TAS2R1: variants seen among roughly 807,000 people sequenced by gnomAD.
TAS2R1 encodes the protein taste 2 receptor member 1.
For missense variants in TAS2R1, 370 were observed against 353.4 expected (o/e 1.05, Z -0.38); for synonymous variants, 141 against 134.2 (o/e 1.05, Z -0.35).
chr5:9,658,297 G>T (rs1740456918), intron 2 of TAS2R1: 1 of 152,194 alleles, frequency 6.6e-6, no homozygotes, highest in Non-Finnish European at 1.5e-5. Context: ...TCTCAGAGAG[G>T]TTAAGTAATT....
At chr5:9,768,870 G>T in the TAS2R1 span, among the ~76,000 whole-genome samples, 1 of 152,106 alleles carries the variant, frequency 6.6e-6, no homozygotes, top group Non-Finnish European at 1.5e-5. Flanking sequence ...AGCACATCAA[G>T]GTAAATAGGG....
chr5:9,769,903 A>G, the TAS2R1 span, among the ~76,000 whole-genome samples: 1 of 152,102 alleles, frequency 6.6e-6, no homozygotes, highest in South Asian at 2.1e-4. Flanking sequence ...GTCTGTGCAG[A>G]AGCTTTTTAA....
At chr5:9,710,495 C>T (rs903541391) in intron 1 of TAS2R1, among the ~76,000 whole-genome samples, 2 of 152,022 alleles carry the variant, frequency 1.3e-5, no homozygotes, top group African/African-American at 4.8e-5. Flanking sequence ...CAAAAATGGG[C>T]AAACAAAAGA....
the TAS2R1 span, among the ~76,000 whole-genome samples, chr5:9,740,645 G>A: frequency 2.6e-5 from 4 of 152,282 alleles, no homozygotes; most frequent in Admixed American, 2.0e-4. Context: ...ACACACAAGC[G>A]TTTTTGAGTG....
intron 1 of TAS2R1, among the ~76,000 whole-genome samples, chr5:9,705,716 C>T (rs1269694576): frequency 1.3e-5 from 2 of 152,054 alleles, no homozygotes; most frequent in Non-Finnish European, 2.9e-5. Context: ...AAAAATTAGC[C>T]GGGCATCGTG....
chr5:9,629,990 T>C lies in TAS2R1; in HGVS notation c.43A>G (p.Ile15Val), dbSNP rs1476217767. 1 of 1,596,152 alleles carries C rather than the reference T, an allele frequency of 6.3e-7. No homozygotes were observed. Among genetic ancestry groups the C allele is most frequent in the South Asian group, 1.1e-5 (1 of 87,612 alleles). Residue 15 changes from isoleucine to valine, a missense_variant, in exon 1 of 1, where the codon ATA (isoleucine) becomes GTA (valine). Ile to Val is a conservative substitution (Grantham distance 29). Coordinates refer to ENST00000382492, the MANE Select transcript of TAS2R1 (RefSeq NM_019599.3). ...HLIIYFLLAV[I>V]QFLLGIFTNG... ...GTGAAAATCCCAAGAAGAAATTGTA[T>C]CACTGCAAGAAGAAAATAGATAATG...
At chr5:9,878,560 T>A in the TAS2R1 span, among the ~76,000 whole-genome samples, 3 of 152,220 alleles carry the variant, frequency 2.0e-5, no homozygotes. Context: ...CTTCTAAAAG[T>A]TCTCTGTCTT....
the TAS2R1 span, among the ~76,000 whole-genome samples, chr5:9,823,019 CAA>C: frequency 1.1e-3 from 123 of 114,366 alleles, no homozygotes; most frequent in Middle Eastern, 5.2e-3. Context: ...TCCTCTCCAC[CAA>C]AAAAAAAAAA....
chr5:9,762,240 A>G, the TAS2R1 span, among the ~76,000 whole-genome samples: 6 of 152,224 alleles, frequency 3.9e-5, no homozygotes, highest in Non-Finnish European at 4.4e-5. Context: ...TTCCACCTCC[A>G]CATACAACCG....
the TAS2R1 span, among the ~76,000 whole-genome samples, chr5:9,837,944 C>T: frequency 6.6e-6 from 1 of 152,182 alleles, no homozygotes; most frequent in Admixed American, 6.5e-5. Context: ...GTAAGACAGT[C>T]TGTGTCTCTT....
chr5:9,758,274 G>A, the TAS2R1 span, among the ~76,000 whole-genome samples: 2 of 152,230 alleles, frequency 1.3e-5, no homozygotes, highest in Admixed American at 6.5e-5. Flanking sequence ...TGGAAATAGG[G>A]AAGAAATCAT....
chr5:9,654,226 T>C (rs1336615195), intron 2 of TAS2R1, among the ~76,000 whole-genome samples: 1 of 152,180 alleles, frequency 6.6e-6, no homozygotes, highest in Non-Finnish European at 1.5e-5. Flanking sequence ...TGAAAAACTC[T>C]TCCTGCATTC....
At position 9,639,199 on chromosome 5, in the gene TAS2R1, C is replaced by T. The variant is rs149187155; in HGVS notation, c.-80-9207G>A. 6.2e-3 allele frequency among the ~76,000 whole-genome samples: 949 copies of T among 152,274 alleles called. 9 individuals are homozygous for T. The highest frequency in any genetic ancestry group is 0.017 in the Admixed American group (267 of 15,308). ...AACTTCCTTCACCCTGTGACCCCTCCGCAGTTGTATTGGCTGGCTTCCCCA... is the reference window on the plus strand; with the variant it reads ...AACTTCCTTCACCCTGTGACCCCTCTGCAGTTGTATTGGCTGGCTTCCCCA... On this transcript the variant is annotated intron_variant, in intron 2 of 2. Transcript: ENST00000506620.
At chr5:9,786,459 GGTGA>G in the TAS2R1 span, among the ~76,000 whole-genome samples, 5 of 152,174 alleles carry the variant, frequency 3.3e-5, no homozygotes, top group African/African-American at 1.2e-4. Context: ...GAATTTCAAA[GGTGA>G]GTAAGTGGTG....
At chr5:9,829,423 G>C in the TAS2R1 span, among the ~76,000 whole-genome samples, 1 of 152,138 alleles carries the variant, frequency 6.6e-6, no homozygotes, top group Non-Finnish European at 1.5e-5. Context: ...ATTCCTCTAA[G>C]AACATCTCAG....
chr5:9,824,656 G>C, the TAS2R1 span, among the ~76,000 whole-genome samples: 1 of 152,046 alleles, frequency 6.6e-6, no homozygotes, highest in Admixed American at 6.5e-5. Context: ...AGACCAGCCT[G>C]GCCAACATAG....
intron 1 of TAS2R1, among the ~76,000 whole-genome samples, chr5:9,707,517 T>C (rs1165690914): frequency 6.6e-6 from 1 of 152,152 alleles, no homozygotes; most frequent in Non-Finnish European, 1.5e-5. Flanking sequence ...ACCCCGTCTC[T>C]AGTGAAATTA....
chr5:9,835,950 TTG>T, the TAS2R1 span, among the ~76,000 whole-genome samples: 4 of 152,092 alleles, frequency 2.6e-5, no homozygotes, highest in Non-Finnish European at 5.9e-5. Flanking sequence ...AATCAGTTAT[TTG>T]TGTGTGATAT....
chr5:9,755,422 A>G, the TAS2R1 span, among the ~76,000 whole-genome samples: 3 of 151,904 alleles, frequency 2.0e-5, no homozygotes, highest in Admixed American at 2.0e-4. Context: ...ACCTGTCTCT[A>G]CTAAAATACA....
Sources: allele counts gnomAD v4.1 joint callset (sites outside exome capture counted in the v4.1 genomes callset), GRCh38; gene constraint gnomAD v4.1.1; transcripts MANE v1.5; gene names NCBI Gene and HGNC (gene_info 2026-07-23, HGNC 2026-07-21).